Variants in LRP1B observed in about 807,000 individuals in gnomAD.
LRP1B encodes the protein LDL receptor related protein 1B.
Under a neutral mutation model 556.6 loss-of-function variants are expected in LRP1B, and 217 were observed. That is an observed-to-expected ratio of 0.39 (90% CI 0.35 to 0.44). The LOEUF is 0.44. LRP1B is among the 20% of genes least tolerant of loss of function. The pLI, the probability that LRP1B is intolerant of heterozygous loss-of-function variation, is 1.00. For missense variants in LRP1B, 5,053 were observed against 5,620.8 expected, an observed-to-expected ratio of 0.90 and a Z score of 3.23; for synonymous variants, 2,047 against 1,865.8, an observed-to-expected ratio of 1.10 and a Z score of -2.50.
chr2:141,109,834 C>T (rs1410488863), intron 7 of LRP1B, among the ~76,000 whole-genome samples: 2 of 152,076 alleles, frequency 1.3e-5, no homozygotes, highest in African/African-American at 4.8e-5. Flanking sequence ...GCAAATAAAC[C>T]CTGTCAGCTT....
intron 3 of LRP1B, among the ~76,000 whole-genome samples, chr2:141,464,683 C>A (rs112429237): frequency 0.032 from 4,708 of 148,342 alleles, 292 homozygotes; most frequent in African/African-American, 0.11. Flanking sequence ...CCACCCGGCT[C>A]GGCCTCCCAA....
At chr2:141,108,351 T>C (rs1457941963) in intron 7 of LRP1B, among the ~76,000 whole-genome samples, 127 of 135,622 alleles carry the variant, frequency 9.4e-4, no homozygotes, top group Non-Finnish European at 1.2e-3. Context: ...TTTTTTTTTT[T>C]TTTTTTTTTT....
chr2:140,655,137 C>T (rs1441023080), intron 41 of LRP1B, among the ~76,000 whole-genome samples: 1 of 151,918 alleles, frequency 6.6e-6, no homozygotes, highest in Non-Finnish European at 1.5e-5. Context: ...GAAGTATGCT[C>T]AACATGTAAT....
At chr2:141,241,603 T>C (rs1683880310) in intron 5 of LRP1B, among the ~76,000 whole-genome samples, 1 of 152,102 alleles carries the variant, frequency 6.6e-6, no homozygotes, top group Non-Finnish European at 1.5e-5. Flanking sequence ...ACTCCTTTTA[T>C]TGATCCCCAA....
chr2:142,009,081 C>T (rs76367578), intron 1 of LRP1B, among the ~76,000 whole-genome samples: 3,859 of 152,190 alleles, frequency 0.025, 161 homozygotes, highest in East Asian at 0.16. Context: ...CTCCAAAAAG[C>T]ACACATTCAA....
intron 2 of LRP1B, among the ~76,000 whole-genome samples, chr2:141,522,639 G>C (rs763604076): frequency 6.6e-5 from 10 of 152,094 alleles, no homozygotes; most frequent in Non-Finnish European, 1.3e-4. Context: ...AAAGTGAATA[G>C]AATCAATAGG....
chr2:141,658,307 G>GTTAGAGAATA (rs1182291122), intron 2 of LRP1B, among the ~76,000 whole-genome samples: 4 of 152,190 alleles, frequency 2.6e-5, no homozygotes, highest in African/African-American at 9.7e-5. Flanking sequence ...TAGAGAATAT[G>GTTAGAGAATA]TTAATGTTAA....
intron 2 of LRP1B, among the ~76,000 whole-genome samples, chr2:141,753,520 C>G (rs908861490): frequency 6.6e-6 from 1 of 151,786 alleles, no homozygotes; most frequent in African/African-American, 2.4e-5. Context: ...CCCATAAGAA[C>G]AGCTGACTTC....
chr2:140,327,568 G>A (rs1394808232), intron 79 of LRP1B, among the ~76,000 whole-genome samples: 1 of 151,988 alleles, frequency 6.6e-6, no homozygotes, highest in Non-Finnish European at 1.5e-5. Flanking sequence ...CAAAACAGTT[G>A]ACTGAGAAGG....
At chr2:141,194,063 A>G (rs1681640965) in intron 6 of LRP1B, among the ~76,000 whole-genome samples, 1 of 152,118 alleles carries the variant, frequency 6.6e-6, no homozygotes, top group African/African-American at 2.4e-5. Context: ...ATTGTCCAGT[A>G]CAATATTGAC....
intron 32 of LRP1B, among the ~76,000 whole-genome samples, chr2:140,800,662 T>G (rs1690477075): frequency 6.6e-6 from 1 of 152,212 alleles, no homozygotes. Context: ...CCCAATACTC[T>G]CTACAAAGTT....
At chr2:141,517,004 TAAA>T (rs71391654) in intron 2 of LRP1B, among the ~76,000 whole-genome samples, 15 of 11,728 alleles carry the variant, frequency 1.3e-3, no homozygotes, top group African/African-American at 3.2e-3. Flanking sequence ...GCCCGTCTCT[TAAA>T]AAAAAAAAAA....
chr2:141,736,505 A>T (rs2105530259), intron 2 of LRP1B, among the ~76,000 whole-genome samples: 1 of 152,276 alleles, frequency 6.6e-6, no homozygotes, highest in African/African-American at 2.4e-5. Context: ...CAGGTGGAAG[A>T]TGGCCACATG....
intron 7 of LRP1B, among the ~76,000 whole-genome samples, chr2:141,105,515 G>A (rs879335419): frequency 2.0e-5 from 3 of 152,076 alleles, no homozygotes; most frequent in Non-Finnish European, 2.9e-5. Context: ...CTTGAGTTGC[G>A]TTTCTGTTAT....
intron 43 of LRP1B, among the ~76,000 whole-genome samples, chr2:140,571,703 C>T (rs187334891): frequency 1.1e-3 from 169 of 151,736 alleles, no homozygotes; most frequent in African/African-American, 3.9e-3. Context: ...CAAAGCAATC[C>T]TGAGAAAAGT....
intron 84 of LRP1B, among the ~76,000 whole-genome samples, chr2:140,282,583 T>C (rs1008335689): frequency 6.6e-6 from 1 of 151,820 alleles, no homozygotes; most frequent in African/African-American, 2.4e-5. Context: ...CCCATCTCTG[T>C]GGACATCTTA....
chr2:140,883,650 T>C (rs1317535588), intron 25 of LRP1B, among the ~76,000 whole-genome samples, 167 bp downstream of exon 25: 2 of 151,600 alleles, frequency 1.3e-5, no homozygotes, highest in Non-Finnish European at 2.9e-5. Flanking sequence ...TTGCTGTATG[T>C]ACAACTCACA....
chr2:141,983,786 C>T (rs979396115), intron 1 of LRP1B, among the ~76,000 whole-genome samples: 1 of 152,114 alleles, frequency 6.6e-6, no homozygotes, highest in Non-Finnish European at 1.5e-5. Flanking sequence ...TTAGGCTGGG[C>T]GTGGTGGCTC....
At chr2:142,108,424 T>TG (rs35855392) in intron 1 of LRP1B, among the ~76,000 whole-genome samples, 101,620 of 151,956 alleles carry the variant, frequency 0.67, 34,160 homozygotes, top group East Asian at 0.71. Context: ...AATCAATAGA[T>TG]GTTCAATAAA....
Sources: gnomAD v4.1 joint callset for allele counts (sites outside exome capture counted in the v4.1 genomes callset) on GRCh38, gnomAD v4.1.1 for gene constraint, MANE v1.5 for transcripts, NCBI Gene and HGNC (gene_info 2026-07-23, HGNC 2026-07-21) for gene names.